PLCH1: variants seen among roughly 807,000 people sequenced by gnomAD.
PLCH1 encodes the protein phospholipase C eta 1, also known as 1-phosphatidylinositol 4,5-bisphosphate phosphodiesterase eta-1.
PLCH1 carries 60 observed loss-of-function variants against 126.7 expected under a neutral mutation model. That is an observed-to-expected ratio of 0.47 (90% CI 0.38 to 0.59). The LOEUF (loss-of-function observed/expected upper bound fraction) is 0.59, where lower values mean the gene tolerates loss of function less well. Ranked by LOEUF, PLCH1 falls within the 20% of genes least tolerant of loss-of-function variation. The probability of loss-of-function intolerance (pLI) is 0.00; values close to 1 mark genes in which losing one functional copy is unlikely to be tolerated. For missense variants in PLCH1, 1,723 were observed against 2,040.0 expected (o/e 0.84, Z 2.99); for synonymous variants, 719 against 734.9 (o/e 0.98, Z 0.35).
intron 12 of PLCH1, among the ~76,000 whole-genome samples, chr3:155,504,890 C>A (rs186668063): frequency 6.6e-6 from 1 of 152,316 alleles, no homozygotes; most frequent in South Asian, 2.1e-4. Flanking sequence ...AAGCTGAGGT[C>A]AAGGGCTCTC....
intron 2 of PLCH1, among the ~76,000 whole-genome samples, chr3:155,600,110 G>A (rs1437513688): frequency 6.6e-6 from 1 of 152,166 alleles, no homozygotes; most frequent in Non-Finnish European, 1.5e-5. Context: ...AATCTTGAGA[G>A]TCATCTAACT....
chr3:155,738,341 G>A (rs1389369539), intron 1 of PLCH1, among the ~76,000 whole-genome samples: 2 of 152,134 alleles, frequency 1.3e-5, no homozygotes, highest in African/African-American at 4.8e-5. Context: ...GGTGTGGTGC[G>A]CTATTAAGAA....
chr3:155,645,190 A>T (rs1236338339), intron 2 of PLCH1, among the ~76,000 whole-genome samples: 1 of 152,128 alleles, frequency 6.6e-6, no homozygotes, highest in Non-Finnish European at 1.5e-5. Context: ...CAAATTCTCC[A>T]TGACCCTCAC....
intron 14 of PLCH1, 30 bp downstream of exon 14, chr3:155,500,673 T>C (rs756221935): frequency 2.1e-5 from 28 of 1,362,068 alleles, no homozygotes; most frequent in Non-Finnish European, 2.8e-5. Context: ...CTCAGGAGTG[T>C]GAGTAGGAAA....
At chr3:155,506,441 C>T (rs537035854) in intron 12 of PLCH1, among the ~76,000 whole-genome samples, 113 of 150,370 alleles carry the variant, frequency 7.5e-4, no homozygotes, top group African/African-American at 1.9e-3. Flanking sequence ...CATGCTGGTG[C>T]GCTGCACCCA....
At chr3:155,694,091 C>T (rs1449349228) in intron 2 of PLCH1, among the ~76,000 whole-genome samples, 1 of 152,074 alleles carries the variant, frequency 6.6e-6, no homozygotes, top group Non-Finnish European at 1.5e-5. Flanking sequence ...CTTCAAGATT[C>T]AGTATAAAAT....
Position 155,730,146 on chromosome 3 carries a change from T to C in PLCH1, c.-41+14694A>G, listed in dbSNP as rs539873051. ...ACAGGTCAATAAAGAGCCTCTACTA[T>C]ATGAAGATATAAGAATATCAGAAAT... On this transcript the variant is annotated intron_variant, in intron 1 of 22. Coordinates refer to ENST00000460012, the MANE Select transcript of PLCH1 (RefSeq NM_014996.4). 3.9e-5 allele frequency among the ~76,000 whole-genome samples: 6 copies of C among 152,088 alleles called. No homozygotes were observed. The East Asian group carries it at 1.2e-3, about 29-fold the overall frequency.
At chr3:155,713,581 G>C (rs142561573) in intron 1 of PLCH1, among the ~76,000 whole-genome samples, 6 of 152,310 alleles carry the variant, frequency 3.9e-5, no homozygotes, top group African/African-American at 1.2e-4. Context: ...AAATTAAAAT[G>C]TAATGCACAC....
intron 1 of PLCH1, among the ~76,000 whole-genome samples, chr3:155,705,991 T>C (rs570841579): frequency 3.4e-5 from 5 of 146,960 alleles, no homozygotes; most frequent in African/African-American, 1.0e-4. Flanking sequence ...CTGGCCAACA[T>C]AGTGAAATCC....
chr3:155,547,764 A>C (rs994536886), intron 10 of PLCH1, among the ~76,000 whole-genome samples: 1 of 151,560 alleles, frequency 6.6e-6, no homozygotes, highest in African/African-American at 2.4e-5. Context: ...ATTGGAAATC[A>C]TCATTCTCAG....
At position 155,482,255 on chromosome 3, in the gene PLCH1, C is replaced by T. The variant is rs199863091; in HGVS notation, c.3771G>A (p.Glu1257=). Residue 1257 remains glutamate (E), a synonymous_variant, in exon 23 of 23, where the codon GAG becomes GAA. Transcript: ENST00000460012. ...SPELIALSSS[E]TTKHATNTVY... Reference sequence around the variant, plus strand: ...CTGTGTTCGTTGCATGTTTGGTGGTCTCAGAACTCGAGAGTGCTATCAGCT... The same window carrying T: ...CTGTGTTCGTTGCATGTTTGGTGGTTTCAGAACTCGAGAGTGCTATCAGCT... 60 of 1,614,100 alleles carry T rather than the reference C, an allele frequency of 3.7e-5. No homozygotes were observed. The East Asian group carries it at 1.3e-3, about 35-fold the overall frequency.
chr3:155,731,986 C>CAAAA (rs11449385), intron 1 of PLCH1, among the ~76,000 whole-genome samples: 10 of 68,252 alleles, frequency 1.5e-4, no homozygotes, highest in East Asian at 7.6e-4. Context: ...GACCCTGTCT[C>CAAAA]AAAAAAAAAA....
intron 2 of PLCH1, among the ~76,000 whole-genome samples, chr3:155,693,937 AAAAG>A (rs1745610872): frequency 6.6e-6 from 1 of 152,278 alleles, no homozygotes; most frequent in Non-Finnish European, 1.5e-5. Context: ...TCTTAAAAAA[AAAAG>A]AAAGAAAGAA....
chr3:155,625,820 G>T (rs548089429), intron 2 of PLCH1, among the ~76,000 whole-genome samples: 1 of 152,320 alleles, frequency 6.6e-6, no homozygotes, highest in African/African-American at 2.4e-5. Context: ...AGACAGTGTG[G>T]TGATTCCTCA....
At chr3:155,512,689 C>G (rs1441967021) in intron 12 of PLCH1, among the ~76,000 whole-genome samples, 1 of 152,202 alleles carries the variant, frequency 6.6e-6, no homozygotes, top group East Asian at 1.9e-4. Context: ...TACACATGCA[C>G]ACTCTGTGGG....
At chr3:155,613,876 C>A (rs535567652) in intron 2 of PLCH1, among the ~76,000 whole-genome samples, 1 of 151,970 alleles carries the variant, frequency 6.6e-6, no homozygotes, top group East Asian at 1.9e-4. Flanking sequence ...TGTTCGCCAA[C>A]GATATTTTAT....
chr3:155,537,351 T>G (rs1260418110), intron 10 of PLCH1, among the ~76,000 whole-genome samples: 1 of 151,456 alleles, frequency 6.6e-6, no homozygotes, highest in Non-Finnish European at 1.5e-5. Flanking sequence ...AAAAAAGTAT[T>G]CAGGCAAAAA....
intron 2 of PLCH1, among the ~76,000 whole-genome samples, chr3:155,629,313 C>T (rs1443728122): frequency 6.6e-6 from 1 of 152,178 alleles, no homozygotes; most frequent in Non-Finnish European, 1.5e-5. Context: ...TGCGTTTCTA[C>T]ACCATCCTAA....
chr3:155,455,462 T>C (rs979358732), intron 21 of PLCH1, among the ~76,000 whole-genome samples: 1 of 152,246 alleles, frequency 6.6e-6, no homozygotes, highest in African/African-American at 2.4e-5. Flanking sequence ...TAAATGCTCC[T>C]AAGTGTGCAT....
Sources: gnomAD v4.1 joint callset for allele counts (sites outside exome capture counted in the v4.1 genomes callset) on GRCh38, gnomAD v4.1.1 for gene constraint, MANE v1.5 for transcripts, NCBI Gene and HGNC (gene_info 2026-07-23, HGNC 2026-07-21) for gene names.